Variants in MYO3B observed in about 807,000 individuals in gnomAD.
MYO3B encodes the protein myosin IIIB.
In MYO3B, 156 loss-of-function variants were observed where a neutral mutation model predicts 174.6. That is an observed-to-expected ratio of 0.89 (90% CI 0.78 to 1.02). The LOEUF is 1.02. Among genes scored for constraint, MYO3B ranks in the 50% least tolerant of loss-of-function variants. The probability of loss-of-function intolerance (pLI) is 0.00; values close to 1 mark genes in which losing one functional copy is unlikely to be tolerated. For synonymous variants in MYO3B, 563 were observed against 569.1 expected, an observed-to-expected ratio of 0.99 and a Z score of 0.15; for missense variants, 1,632 against 1,639.4, an observed-to-expected ratio of 1.00 and a Z score of 0.08.
Position 170,193,087 on chromosome 2 carries a change from A to G in MYO3B, c.3-6121A>G, listed in dbSNP as rs868602961. Among the ~76,000 whole-genome samples, 4 of 151,988 alleles carry G rather than the reference A, an allele frequency of 2.6e-5. No individual in the cohort carries two copies. The Middle Eastern group carries it at 0.01, about 393-fold the overall frequency. ...TTTCTTATTGTCACCTTGTTCTGTC[A>G]TAGCTGACAATGTCTTTTACTATTA... On this transcript the variant is annotated intron_variant, in intron 1 of 34. Coordinates refer to ENST00000408978, the MANE Select transcript of MYO3B (RefSeq NM_138995.5).
intron 1 of MYO3B, among the ~76,000 whole-genome samples, chr2:170,180,580 ATGTT>A (rs1475624340): frequency 6.6e-6 from 1 of 152,156 alleles, no homozygotes; most frequent in East Asian, 1.9e-4. Flanking sequence ...GATCTCTTAT[ATGTT>A]TTTTTAAAAA....
At chr2:170,466,737 ATTCTTATAAATGTAGC>A (rs1290983001) in intron 25 of MYO3B, 26 bp downstream of exon 25, 1 of 1,608,148 alleles carries the variant, frequency 6.2e-7, no homozygotes, top group African/African-American at 1.3e-5. Flanking sequence ...ACGGGAATGC[ATTCTTATAAATGTAGC>A]TCTACTCTGG....
chr2:170,281,972 T>C (rs1418200490), intron 7 of MYO3B, among the ~76,000 whole-genome samples: 7 of 152,164 alleles, frequency 4.6e-5, no homozygotes, highest in Admixed American at 6.5e-5. Context: ...TTTTTTGTTG[T>C]TGTTTGAGTT....
intron 7 of MYO3B, among the ~76,000 whole-genome samples, chr2:170,296,365 C>T (rs3845736): frequency 0.99 from 150,397 of 152,350 alleles, 74,267 homozygotes; most frequent in Middle Eastern, 1. Context: ...CTATTCTGTC[C>T]GTATAACCAT....
intron 32 of MYO3B, among the ~76,000 whole-genome samples, chr2:170,634,964 A>G (rs1226903055): frequency 6.6e-6 from 1 of 152,212 alleles, no homozygotes; most frequent in East Asian, 1.9e-4. Flanking sequence ...AGGAAACAAC[A>G]GGTGCTGGAG....
chr2:170,582,203 A>G (rs1029093972), intron 32 of MYO3B, among the ~76,000 whole-genome samples: 2 of 152,260 alleles, frequency 1.3e-5, no homozygotes, highest in Admixed American at 6.5e-5. Flanking sequence ...CACTACCAGC[A>G]GGTCTGTAGA....
At chr2:170,585,526 C>G (rs1196200430) in intron 32 of MYO3B, among the ~76,000 whole-genome samples, 1 of 152,128 alleles carries the variant, frequency 6.6e-6, no homozygotes, top group Admixed American at 6.5e-5. Context: ...ATTTTTTACA[C>G]CTTTTTGTAG....
At chr2:170,574,335 A>C (rs934105950) in intron 32 of MYO3B, among the ~76,000 whole-genome samples, 6 of 152,116 alleles carry the variant, frequency 3.9e-5, no homozygotes, top group African/African-American at 1.4e-4. Context: ...AATGTAATAT[A>C]TGGTTTTTAG....
intron 30 of MYO3B, among the ~76,000 whole-genome samples, chr2:170,526,242 T>A (rs1289609046): frequency 6.6e-6 from 1 of 152,142 alleles, no homozygotes; most frequent in African/African-American, 2.4e-5. Flanking sequence ...GGACTGGAGA[T>A]AATCAAAGCA....
At chr2:170,584,642 G>C (rs1693381714) in intron 32 of MYO3B, among the ~76,000 whole-genome samples, 1 of 152,226 alleles carries the variant, frequency 6.6e-6, no homozygotes, top group East Asian at 1.9e-4. Flanking sequence ...TGTTGGATTG[G>C]ACCTTTCGCA....
intron 22 of MYO3B, among the ~76,000 whole-genome samples, chr2:170,427,956 A>G (rs1363431043): frequency 6.6e-6 from 1 of 152,234 alleles, no homozygotes; most frequent in African/African-American, 2.4e-5. Context: ...CAGAAGCATA[A>G]TGTTTTACTA....
chr2:170,463,572 G>T, intron 24 of MYO3B, 127 bp downstream of exon 24: 1 of 766,928 alleles, frequency 1.3e-6, no homozygotes, highest in South Asian at 1.9e-5. Flanking sequence ...ATTGGGTTGG[G>T]GAAGTGGTGG....
intron 1 of MYO3B, among the ~76,000 whole-genome samples, chr2:170,194,814 T>C (rs2092580795): frequency 6.6e-6 from 1 of 152,108 alleles, no homozygotes; most frequent in Non-Finnish European, 1.5e-5. Context: ...ACCTCAAAAG[T>C]AGGGAAGCTG....
intron 30 of MYO3B, among the ~76,000 whole-genome samples, chr2:170,541,364 G>C (rs1265950941): frequency 6.6e-6 from 1 of 152,122 alleles, no homozygotes; most frequent in Non-Finnish European, 1.5e-5. Context: ...AGATACTGAA[G>C]GGTATAGAAT....
intron 6 of MYO3B, among the ~76,000 whole-genome samples, chr2:170,235,140 A>G (rs2093056387): frequency 6.6e-6 from 1 of 152,182 alleles, no homozygotes; most frequent in Non-Finnish European, 1.5e-5. Context: ...ATCATCAGAC[A>G]TTGAAGTCTC....
At chr2:170,577,478 C>G (rs926097414) in intron 32 of MYO3B, among the ~76,000 whole-genome samples, 18 of 152,162 alleles carry the variant, frequency 1.2e-4, no homozygotes, top group African/African-American at 4.3e-4. Context: ...AGAAGACTAA[C>G]AATTTTAAAT....
At chr2:170,302,157 T>C (rs1301508681) in intron 7 of MYO3B, among the ~76,000 whole-genome samples, 2 of 152,096 alleles carry the variant, frequency 1.3e-5, no homozygotes, top group African/African-American at 4.8e-5. Flanking sequence ...CTGCATGACT[T>C]CTGATTTTAA....
intron 22 of MYO3B, among the ~76,000 whole-genome samples, chr2:170,439,338 C>T (rs1287632107): frequency 1.3e-5 from 2 of 151,954 alleles, no homozygotes; most frequent in African/African-American, 4.8e-5. Flanking sequence ...TGCCACTGCA[C>T]TCCAGCCTGG....
At chr2:170,400,032 T>A (rs1462190164) in intron 16 of MYO3B, among the ~76,000 whole-genome samples, 156 bp from the exon 17 acceptor site, 1 of 152,116 alleles carries the variant, frequency 6.6e-6, no homozygotes, top group Non-Finnish European at 1.5e-5. Context: ...TATGACGACC[T>A]CTAACTGCAA....
Sources: allele counts gnomAD v4.1 joint callset (sites outside exome capture counted in the v4.1 genomes callset), GRCh38; gene constraint gnomAD v4.1.1; transcripts MANE v1.5; gene names NCBI Gene and HGNC (gene_info 2026-07-23, HGNC 2026-07-21).